Variants in NR2F1-AS1 observed in about 807,000 individuals in gnomAD.
NR2F1-AS1 encodes NR2F1 antisense RNA 1.
At chr5:93,533,010 C>T (rs1404280652) in intron 4 of NR2F1-AS1, among the ~76,000 whole-genome samples, 1 of 152,190 alleles carries the variant, frequency 6.6e-6, no homozygotes, top group Non-Finnish European at 1.5e-5. Context: ...CAACAAAAAT[C>T]ACACGATCTT....
intron 4 of NR2F1-AS1, among the ~76,000 whole-genome samples, chr5:93,522,586 C>A (rs1193515225): frequency 2.6e-5 from 4 of 152,206 alleles, no homozygotes; most frequent in African/African-American, 9.6e-5. Flanking sequence ...CTCTGGTCAG[C>A]AGCTCCCAGC....
intron 4 of NR2F1-AS1, among the ~76,000 whole-genome samples, chr5:93,420,578 AAG>A (rs1749068628): frequency 6.6e-6 from 1 of 152,194 alleles, no homozygotes; most frequent in South Asian, 2.1e-4. Context: ...GAATTTAAAA[AAG>A]GATTTTTTTA....
At chr5:93,415,961 T>G (rs1297015269) in intron 4 of NR2F1-AS1, among the ~76,000 whole-genome samples, 1 of 152,230 alleles carries the variant, frequency 6.6e-6, no homozygotes, top group African/African-American at 2.4e-5. Context: ...CTGCTTTCAT[T>G]TCACCACAAG....
At chr5:93,532,452 C>T (rs188373787) in intron 4 of NR2F1-AS1, among the ~76,000 whole-genome samples, 2 of 152,184 alleles carry the variant, frequency 1.3e-5, no homozygotes, top group East Asian at 3.9e-4. Flanking sequence ...CCTGCCTCAG[C>T]CAACTCTCAG....
intron 4 of NR2F1-AS1, among the ~76,000 whole-genome samples, chr5:93,465,402 C>T (rs1340129920): frequency 3.9e-5 from 6 of 152,156 alleles, no homozygotes; most frequent in Non-Finnish European, 7.4e-5. Flanking sequence ...GTTAGAATGG[C>T]GATCATTAAA....
chr5:93,474,070 C>T (rs767061046), intron 4 of NR2F1-AS1, among the ~76,000 whole-genome samples: 6 of 151,696 alleles, frequency 4.0e-5, no homozygotes, highest in Admixed American at 2.0e-4. Flanking sequence ...ATAAATAAAG[C>T]GGAAAGGATT....
At chr5:93,445,693 C>T (rs1201061041) in intron 4 of NR2F1-AS1, among the ~76,000 whole-genome samples, 4 of 152,174 alleles carry the variant, frequency 2.6e-5, no homozygotes, top group African/African-American at 9.7e-5. Flanking sequence ...CTCCCTAACT[C>T]ATTTTATGAG....
At chr5:93,446,780 T>A (rs551410176) in intron 4 of NR2F1-AS1, among the ~76,000 whole-genome samples, 97 of 152,262 alleles carry the variant, frequency 6.4e-4, no homozygotes, top group African/African-American at 2.1e-3. Flanking sequence ...GCTGGAGACA[T>A]CACGCTACCT....
At chr5:93,533,565 T>A (rs1044244308) in intron 4 of NR2F1-AS1, among the ~76,000 whole-genome samples, 2 of 152,110 alleles carry the variant, frequency 1.3e-5, no homozygotes, top group Non-Finnish European at 2.9e-5. Flanking sequence ...TGGTAAATAA[T>A]GGATTTTAAT....
chr5:93,427,085 C>A (rs1174318615), intron 4 of NR2F1-AS1, among the ~76,000 whole-genome samples: 1 of 152,152 alleles, frequency 6.6e-6, no homozygotes, highest in Non-Finnish European at 1.5e-5. Context: ...TGATCTTTTT[C>A]ATGTATAATC....
Position 93,432,297 on chromosome 5 carries a change from G to T in NR2F1-AS1, n.639-36755C>A, listed in dbSNP as rs752356013. ...CAATGAAAACACCAGTCAAAAATCA[G>T]ATGTGGTCATTAATTCTACTGAAAC... On this transcript the variant is annotated intron_variant and non_coding_transcript_variant, in intron 4 of 5. Coordinates refer to ENST00000660523, the Ensembl canonical transcript of NR2F1-AS1. The T allele has an allele frequency of 3.9e-5, 6 of 152,246 alleles. No homozygotes were observed. In the South Asian group the frequency reaches 1.0e-3, roughly 26 times the overall value. The allele number at this position is 152,246 out of a possible 1,614,324, so 9.4% of individuals were successfully genotyped here.
At chr5:93,478,485 C>A (rs975124095) in intron 4 of NR2F1-AS1, among the ~76,000 whole-genome samples, 1 of 152,182 alleles carries the variant, frequency 6.6e-6, no homozygotes, top group African/African-American at 2.4e-5. Context: ...CTCACTGCAA[C>A]CTTCGCATCC....
chr5:93,569,828 T>A (rs1752703643), intron 1 of NR2F1-AS1: 1 of 152,226 alleles, frequency 6.6e-6, no homozygotes, highest in Non-Finnish European at 1.5e-5. Context: ...ATCTTTCCAA[T>A]CAAATGAAGT....
intron 1 of NR2F1-AS1, among the ~76,000 whole-genome samples, chr5:93,565,649 C>CT (rs1292596761): frequency 1.3e-5 from 2 of 151,660 alleles, no homozygotes; most frequent in Non-Finnish European, 2.9e-5. Flanking sequence ...ACTTTCTAGT[C>CT]TTTTTTTATG....
intron 4 of NR2F1-AS1, among the ~76,000 whole-genome samples, chr5:93,547,138 C>T (rs779136157): frequency 4.0e-5 from 6 of 151,668 alleles, no homozygotes; most frequent in South Asian, 2.1e-4. Context: ...TATGTGTGTG[C>T]GTGGGTGTGT....
At chr5:93,531,871 A>T (rs1751743018) in intron 4 of NR2F1-AS1, among the ~76,000 whole-genome samples, 1 of 152,224 alleles carries the variant, frequency 6.6e-6, no homozygotes, top group South Asian at 2.1e-4. Context: ...AGAGAAGGTA[A>T]ACCTAAAATT....
intron 4 of NR2F1-AS1, among the ~76,000 whole-genome samples, chr5:93,549,157 A>T (rs1211364972): frequency 6.6e-6 from 1 of 152,194 alleles, no homozygotes; most frequent in Non-Finnish European, 1.5e-5. Context: ...AAGGTAGCCA[A>T]AGCATAAATT....
chr5:93,487,881 G>A (rs1477132851), intron 4 of NR2F1-AS1, among the ~76,000 whole-genome samples: 43 of 152,076 alleles, frequency 2.8e-4, no homozygotes. Flanking sequence ...GCATGGTACT[G>A]GTACCAAAAC....
intron 4 of NR2F1-AS1, among the ~76,000 whole-genome samples, chr5:93,501,377 A>G (rs559635780): frequency 7.3e-6 from 1 of 136,642 alleles, no homozygotes; most frequent in Non-Finnish European, 1.5e-5. Context: ...TTTTTGAGAC[A>G]GGTTCTTGCT....
Sources: allele counts gnomAD v4.1 joint callset (sites outside exome capture counted in the v4.1 genomes callset), GRCh38; gene constraint gnomAD v4.1.1; transcripts MANE v1.5; gene names NCBI Gene and HGNC (gene_info 2026-07-23, HGNC 2026-07-21).